The following SLC12A8 variants were observed in gnomAD, a reference collection of about 807,000 sequenced individuals.
SLC12A8 encodes the protein solute carrier family 12 member 8.
Under a neutral mutation model 75.6 loss-of-function variants are expected in SLC12A8, and 69 were observed. The ratio of observed to expected loss-of-function variants is 0.91; its 90% CI spans 0.75 to 1.11. SLC12A8 has a LOEUF of 1.11. Among genes scored for constraint, SLC12A8 ranks in the 50% most tolerant of loss-of-function variants. The pLI is 0.00. For synonymous variants in SLC12A8, 365 were observed against 372.8 expected (o/e 0.98, Z 0.24); for missense variants, 877 against 896.7 (o/e 0.98, Z 0.28).
At position 125,082,728 on chromosome 3, in the gene SLC12A8, C is replaced by T. The variant is rs1560044877; in HGVS notation, c.*1162G>A. 1 of 152,340 alleles carries T rather than the reference C, an allele frequency of 6.6e-6. No individual in the cohort carries two copies. Among genetic ancestry groups the T allele is most frequent in the East Asian group, 1.9e-4 (1 of 5,190 alleles). 9.4% of individuals were successfully genotyped at this position (152,340 alleles called of 1,614,324 possible). On this transcript the variant is annotated 3_prime_UTR_variant, in exon 14 of 14. Coordinates refer to ENST00000469902, the MANE Select transcript of SLC12A8 (RefSeq NM_024628.6). The stretch of plus-strand genomic sequence containing the variant: ...TGTACCTTTTGATCCTGCAATTCCA[C>T]TTTTGGGAATTTATCCTAGAGATAC...
intron 2 of SLC12A8, among the ~76,000 whole-genome samples, chr3:125,201,913 T>C (rs879439091): frequency 1.0e-3 from 106 of 104,674 alleles, no homozygotes; most frequent in Non-Finnish European, 2.0e-3. Context: ...TTCTTTTTAA[T>C]TTAATTTTTT....
Position 125,187,366 on chromosome 3 carries a change from G to A in SLC12A8, c.261C>T (p.Val87=). 10 of 1,614,206 alleles carry A rather than the reference G, an allele frequency of 6.2e-6. No homozygotes were observed. Among genetic ancestry groups the A allele is most frequent in the Non-Finnish European group, 8.5e-6 (10 of 1,180,040 alleles). The change falls in exon 4 of 14, where the codon GTC becomes GTT. Residue 87 remains valine, a synonymous_variant. Coordinates refer to ENST00000469902, the MANE Select transcript of SLC12A8 (RefSeq NM_024628.6). ...LVSFVILVAL[V]TVLSGIGVGE... is the part of the protein sequence containing the mutation. Reference sequence around the variant, plus strand: ...CGACGCCAATGCCAGACAGCACCGTGACGAGGGCCACCAGGATGACGAAGG... The same window carrying A: ...CGACGCCAATGCCAGACAGCACCGTAACGAGGGCCACCAGGATGACGAAGG...
intron 8 of SLC12A8, among the ~76,000 whole-genome samples, chr3:125,112,810 G>A (rs1939220097): frequency 6.6e-6 from 1 of 152,160 alleles, no homozygotes; most frequent in African/African-American, 2.4e-5. Context: ...CTAAACATAA[G>A]AATCACCCAG....
chr3:125,113,119 A>G (rs774084382), intron 8 of SLC12A8, among the ~76,000 whole-genome samples: 2 of 152,164 alleles, frequency 1.3e-5, no homozygotes, highest in African/African-American at 4.8e-5. Context: ...GCATCCTCCT[A>G]GTGTTGGACT....
At chr3:125,204,338 T>A (rs1265367110) in intron 2 of SLC12A8, among the ~76,000 whole-genome samples, 2 of 152,130 alleles carry the variant, frequency 1.3e-5, no homozygotes, top group African/African-American at 4.8e-5. Flanking sequence ...TAAGTGTCCA[T>A]CAACAGATGA....
At chr3:125,181,622 A>G (rs564397844) in intron 4 of SLC12A8, among the ~76,000 whole-genome samples, 22 of 131,768 alleles carry the variant, frequency 1.7e-4, no homozygotes, top group African/African-American at 4.1e-4. Context: ...AAAAAAAAAA[A>G]AAAAAGAAAA....
chr3:125,211,278 C>T (rs1418454201), intron 2 of SLC12A8, 21 bp downstream of exon 2: 1 of 1,610,542 alleles, frequency 6.2e-7, no homozygotes, highest in East Asian at 2.2e-5. Context: ...CATCACAGAC[C>T]CTGGCACATC....
At chr3:125,100,510 T>G (rs957552310) in intron 10 of SLC12A8, among the ~76,000 whole-genome samples, 2 of 151,552 alleles carry the variant, frequency 1.3e-5, no homozygotes, top group Non-Finnish European at 2.9e-5. Context: ...CAGGTTCAAG[T>G]GATTCTCCTG....
chr3:125,107,947 G>A lies in SLC12A8; in HGVS notation c.1239C>T (p.Thr413=). The A allele has an allele frequency of 6.2e-7, 1 of 1,614,174 alleles. No individual in the cohort carries two copies. Among genetic ancestry groups the A allele is most frequent in the Non-Finnish European group, 8.5e-7 (1 of 1,180,026 alleles). Residue 413 remains threonine, a synonymous_variant, in exon 10 of 14, where the codon ACC becomes ACT. Coordinates refer to ENST00000469902, the MANE Select transcript of SLC12A8 (RefSeq NM_024628.6). ...FSLSMCSCSL[T]PVPEPVLREG... ...CCCTGAGCACCGGCTCAGGCACCGG[G>A]GTCAGGCTGCAGGAACACATGGACA...
chr3:125,110,070 A>T, intron 9 of SLC12A8, 119 bp downstream of exon 9: 3 of 1,103,000 alleles, frequency 2.7e-6, no homozygotes, highest in Non-Finnish European at 2.6e-6. Flanking sequence ...TTTCTGTGTC[A>T]CCCCAAAGAA....
chr3:125,148,700 T>C (rs894262844), intron 5 of SLC12A8, among the ~76,000 whole-genome samples: 3 of 152,128 alleles, frequency 2.0e-5, no homozygotes, highest in Non-Finnish European at 2.9e-5. Context: ...GCATGCCCAC[T>C]GTCAGCCCAG....
intron 5 of SLC12A8, among the ~76,000 whole-genome samples, chr3:125,174,926 A>G (rs946482286): frequency 2.6e-5 from 4 of 152,248 alleles, no homozygotes; most frequent in Admixed American, 6.5e-5. Context: ...CATAGAATGT[A>G]TAATACTGAG....
intron 3 of SLC12A8, among the ~76,000 whole-genome samples, chr3:125,189,271 G>A (rs1934861832): frequency 1.3e-5 from 2 of 152,226 alleles, no homozygotes; most frequent in South Asian, 4.1e-4. Flanking sequence ...ACTCAAGACT[G>A]CAGCATCAAT....
chr3:125,143,903 G>A (rs991202413), intron 5 of SLC12A8, among the ~76,000 whole-genome samples: 6 of 152,224 alleles, frequency 3.9e-5, no homozygotes, highest in African/African-American at 1.4e-4. Flanking sequence ...GGCTCTTTCT[G>A]AGCTAAGGAT....
At chr3:125,129,568 T>C (rs955276082) in intron 6 of SLC12A8, among the ~76,000 whole-genome samples, 1 of 152,096 alleles carries the variant, frequency 6.6e-6, no homozygotes, top group Non-Finnish European at 1.5e-5. Context: ...TGGGATAAAA[T>C]ATCTGAAGTA....
At chr3:125,209,543 A>T (rs1222093479) in intron 2 of SLC12A8, among the ~76,000 whole-genome samples, 2 of 152,240 alleles carry the variant, frequency 1.3e-5, no homozygotes, top group Non-Finnish European at 2.9e-5. Context: ...CTAGCCAGGT[A>T]AGTTCAGTTC....
At chr3:125,126,816 G>A (rs1933220044) in intron 6 of SLC12A8, among the ~76,000 whole-genome samples, 1 of 151,140 alleles carries the variant, frequency 6.6e-6, no homozygotes, top group African/African-American at 2.4e-5. Flanking sequence ...TGTTTTCTAA[G>A]TTCATAACTT....
intron 2 of SLC12A8, among the ~76,000 whole-genome samples, chr3:125,207,766 T>C (rs1005615736): frequency 1.3e-5 from 2 of 152,220 alleles, no homozygotes; most frequent in Non-Finnish European, 2.9e-5. Flanking sequence ...CATGGCTCAT[T>C]AGCCTTCTGT....
intron 5 of SLC12A8, among the ~76,000 whole-genome samples, chr3:125,167,115 T>C (rs1292835063): frequency 6.6e-6 from 1 of 152,214 alleles, no homozygotes; most frequent in African/African-American, 2.4e-5. Context: ...TACTCTTTCC[T>C]GTATACTTGA....
Sources: allele counts gnomAD v4.1 joint callset (sites outside exome capture counted in the v4.1 genomes callset), GRCh38; gene constraint gnomAD v4.1.1; transcripts MANE v1.5; gene names NCBI Gene and HGNC (gene_info 2026-07-23, HGNC 2026-07-21).